CENPE: variants seen among roughly 807,000 people sequenced by gnomAD.
CENPE encodes centromere protein E.
Under a neutral mutation model 336.1 loss-of-function variants are expected in CENPE, and 145 were observed. That is an observed-to-expected ratio of 0.43 (90% CI 0.38 to 0.50). The LOEUF (loss-of-function observed/expected upper bound fraction) is 0.50, where lower values mean the gene tolerates loss of function less well. CENPE is among the 20% of genes least tolerant of loss of function. The probability of loss-of-function intolerance (pLI) is 0.00; values close to 1 mark genes in which losing one functional copy is unlikely to be tolerated. For synonymous variants in CENPE, 1,013 were observed against 984.8 expected (o/e 1.03, Z -0.54); for missense variants, 2,719 against 3,023.3 (o/e 0.90, Z 2.36).
chr4:103,131,981 T>C (rs1224851501), intron 42 of CENPE, among the ~76,000 whole-genome samples: 1 of 152,158 alleles, frequency 6.6e-6, no homozygotes, highest in Non-Finnish European at 1.5e-5. Context: ...CCAGGGAATT[T>C]TTATGGCAGG....
At chr4:103,174,684 C>T (rs1755704698) in intron 16 of CENPE, 52 bp downstream of exon 16, 22 of 1,251,672 alleles carry the variant, frequency 1.8e-5, no homozygotes, top group Non-Finnish European at 2.2e-5. Context: ...AAAGAGAATA[C>T]TTCTTTTAAA....
At chr4:103,159,384 T>G in intron 21 of CENPE, 60 bp from the exon 22 acceptor site, 1 of 1,042,740 alleles carries the variant, frequency 9.6e-7, no homozygotes, top group Non-Finnish European at 1.3e-6. Context: ...GAAGCAATTT[T>G]TAGGAAAAAA....
Position 103,181,439 on chromosome 4 carries a change from T to C in CENPE, c.981A>G (p.Lys327=). Reference sequence around the variant, plus strand: ...TAACATAAGGAGTATTCTTCATATATTTAGCAGTACTGGCAAACTGGAAAA... The same window carrying C: ...TAACATAAGGAGTATTCTTCATATACTTAGCAGTACTGGCAAACTGGAAAA... The part of the protein sequence containing the change: ...LTALQFASTA[K]YMKNTPYVNE... Residue 327 remains lysine (K), a synonymous_variant, in exon 12 of 49, where the codon AAA becomes AAG. Transcript: ENST00000265148. The C allele has an allele frequency of 2.5e-6, 4 of 1,569,772 alleles. No individual in the cohort carries two copies. The highest frequency in any genetic ancestry group is 1.7e-6 in the Non-Finnish European group (2 of 1,162,898).
chr4:103,195,183 A>G lies in CENPE; in HGVS notation c.408T>C (p.Asn136=), dbSNP rs1187433808. 2 of 1,588,550 alleles carry G rather than the reference A, an allele frequency of 1.3e-6. No homozygotes were observed. Among genetic ancestry groups the G allele is most frequent in the South Asian group, 1.2e-5 (1 of 85,762 alleles). ...LLRVSYMEIY[N]ETITDLLCGT... ...CACAGAGTAAATCTGTAATGGTTTCATTGTATATTTCCATGTAAGATACAC... is the reference window on the plus strand; with the variant it reads ...CACAGAGTAAATCTGTAATGGTTTCGTTGTATATTTCCATGTAAGATACAC... Residue 136 remains asparagine (N), a synonymous_variant, in exon 5 of 49, where the codon AAT becomes AAC. Coordinates refer to ENST00000265148, the MANE Select transcript of CENPE (RefSeq NM_001813.3).
chr4:103,145,534 A>C lies in CENPE; in HGVS notation c.4561T>G (p.Leu1521Val), dbSNP rs1363591634. Residue 1521 changes from leucine (L) to valine (V), a missense_variant, in exon 31 of 49, where the codon TTA (leucine) becomes GTA (valine). Transcript: ENST00000265148. ...QKQLEAINDKLQNKIQEIYEK... is the reference protein window; with the variant it reads ...QKQLEAINDKVQNKIQEIYEK... ...CATCCCCAATTTACCTTGTTCTGTA[A>C]TTTATCATTGATTGCTTCTAACTGC... 1 of 1,601,510 alleles carries C rather than the reference A, an allele frequency of 6.2e-7. No homozygotes were observed. The highest frequency in any genetic ancestry group is 8.5e-7 in the Non-Finnish European group (1 of 1,176,124).
Position 103,108,998 on chromosome 4 carries a change from G to C in CENPE, c.7816C>G (p.Pro2606Ala). Reference sequence around the variant, plus strand: ...GTTCCAGTCACTTTAGGAGACTTTGGAGAATTCTCACAAGTTACTTGTTTG... The same window carrying C: ...GTTCCAGTCACTTTAGGAGACTTTGCAGAATTCTCACAAGTTACTTGTTTG... ...AHKQVTCENS[P>A]KSPKVTGTAS... Residue 2606 changes from proline to alanine, a missense_variant, in exon 48 of 49, where the codon CCA becomes GCA. Around this residue, in one of 5 missense-constraint regions of CENPE, gnomAD observed 2,437 missense variants for 2,513.3 expected, o/e 0.97. Coordinates refer to ENST00000265148, the MANE Select transcript of CENPE (RefSeq NM_001813.3). The C allele has an allele frequency of 1.2e-6, 2 of 1,613,658 alleles. No homozygotes were observed. Among genetic ancestry groups the C allele is most frequent in the Non-Finnish European group, 1.7e-6 (2 of 1,179,722 alleles).
Position 103,133,874 on chromosome 4 carries a change from T to C in CENPE, c.6541A>G (p.Thr2181Ala). The change falls in exon 41 of 49, where the codon ACA becomes GCA. Residue 2181 changes from threonine to alanine, a missense_variant. Physicochemically the swap from Thr to Ala is moderately conservative, Grantham distance 58. Around this residue, in one of 5 missense-constraint regions of CENPE, gnomAD observed 2,437 missense variants for 2,513.3 expected, o/e 0.97. Transcript: ENST00000265148. ...TCATGTTGTTCTTCTTTTATTTTTG[T>C]AACATAGCTTAACACATACTTGCAG... is the stretch of plus-strand genomic sequence containing the variant. ...KKLKYVLSYV[T>A]KIKEEQHESI... is the part of the protein sequence containing the mutation. 1 of 1,577,518 alleles carries C rather than the reference T, an allele frequency of 6.3e-7. No homozygotes were observed.
At chr4:103,136,450 G>T in intron 39 of CENPE, 91 bp from the exon 40 acceptor site, 4 of 836,008 alleles carry the variant, frequency 4.8e-6, no homozygotes, top group South Asian at 2.0e-5. Flanking sequence ...CAAAACTTAT[G>T]CTTTAACATT....
rs770290223 is a variant in CENPE, at chr4:103,158,738, A to C, written c.2750T>G (p.Leu917Arg). The C allele has an allele frequency of 1.2e-6, 2 of 1,613,054 alleles. No individual in the cohort carries two copies. The highest frequency in any genetic ancestry group is 1.7e-6 in the Non-Finnish European group (2 of 1,179,456). The change falls in exon 23 of 49, where the codon CTG (leucine) becomes CGG (arginine). Residue 917 changes from leucine (L) to arginine (R), a missense_variant. Transcript: ENST00000265148. The stretch of plus-strand genomic sequence containing the variant: ...TTTTACTTCTTCTAAAGTTTGCTGC[A>C]GTTTCTCAGTAATCAGTGTTTTCTC... ...EREKTLITEK[L>R]QQTLEEVKTL... is the part of the protein sequence containing the mutation.
At position 103,141,099 on chromosome 4, in the gene CENPE, T is replaced by C. The variant is rs1244028008; in HGVS notation, c.5469A>G (p.Gln1823=). 2 of 1,519,608 alleles carry C rather than the reference T, an allele frequency of 1.3e-6. No individual in the cohort carries two copies. The highest frequency in any genetic ancestry group is 4.5e-5 in the East Asian group (2 of 44,368). 94.1% of individuals were successfully genotyped at this position (1,519,608 alleles called of 1,614,324 possible). A position where few individuals can be genotyped will look rare whatever the true frequency, so the allele number is the denominator to read the frequency against. Residue 1823 remains glutamine, a synonymous_variant, in exon 36 of 49, where the codon CAA becomes CAG. Coordinates refer to ENST00000265148, the MANE Select transcript of CENPE (RefSeq NM_001813.3). ...GTTGATGTTCATTTGCCTTAAGTTC[T>C]TGAATCTTAAGATAATCATAAAATA... ...NSNAKLQEKI[Q]ELKANEHQLI...
At position 103,174,725 on chromosome 4, in the gene CENPE, G is replaced by A. The variant is rs1221645298; in HGVS notation, c.1647+11C>T. Reference sequence around the variant, plus strand: ...GCTTTTAGTTTAGTTTTACATTTCTGTCTCTCTTACCTCTTGATCTTTTTT... The same window carrying A: ...GCTTTTAGTTTAGTTTTACATTTCTATCTCTCTTACCTCTTGATCTTTTTT... On this transcript the variant is annotated intron_variant, in intron 16 of 48. Coordinates refer to ENST00000265148, the MANE Select transcript of CENPE (RefSeq NM_001813.3). 1 of 1,469,204 alleles carries A rather than the reference G, an allele frequency of 6.8e-7. No individual in the cohort carries two copies. The highest frequency in any genetic ancestry group is 1.4e-5 in the South Asian group (1 of 72,260). 91.0% of individuals were successfully genotyped at this position (1,469,204 alleles called of 1,614,324 possible). A position where few individuals can be genotyped will look rare whatever the true frequency, so the allele number is the denominator to read the frequency against.
rs756280061 is a variant in CENPE at position 103,132,882 on chromosome 4, A to G, written c.6735T>C (p.Asp2245=). Residue 2245 remains aspartate, a synonymous_variant, in exon 42 of 49, where the codon GAT becomes GAC. Coordinates refer to ENST00000265148, the MANE Select transcript of CENPE (RefSeq NM_001813.3). The stretch of plus-strand genomic sequence containing the variant: ...TGCTAGGGAACTCACTTTCTGAGAA[A>G]TCTTTGAGAATTTCCTGTGTGAAAA... ...MDLHIEEILK[D]FSESEFPSIK... 3.5e-6 allele frequency: 5 copies of G among 1,440,620 alleles called. No individual in the cohort carries two copies. The Admixed American group carries it at 7.1e-5, about 20-fold the overall frequency. The allele number at this position is 1,440,620 out of a possible 1,614,324, so 89.2% of individuals were successfully genotyped here.
intron 42 of CENPE, among the ~76,000 whole-genome samples, chr4:103,132,440 G>A (rs1323099672): frequency 6.6e-6 from 1 of 152,144 alleles, no homozygotes; most frequent in Non-Finnish European, 1.5e-5. Context: ...AGAAGAAAAA[G>A]AGGACAATAG....
intron 42 of CENPE, among the ~76,000 whole-genome samples, chr4:103,127,114 C>CA (rs1246212242): frequency 1.6e-5 from 2 of 123,112 alleles, no homozygotes; most frequent in Non-Finnish European, 3.6e-5. Context: ...AAAAAAAAAC[C>CA]AAAAAAACCC....
intron 21 of CENPE, among the ~76,000 whole-genome samples, chr4:103,159,774 T>C (rs1248193475): frequency 6.6e-6 from 1 of 151,904 alleles, no homozygotes; most frequent in Non-Finnish European, 1.5e-5. Context: ...AGAAGTATCT[T>C]AAGTGGTATG....
intron 46 of CENPE, among the ~76,000 whole-genome samples, chr4:103,112,723 AGT>A (rs1340136018): frequency 8.3e-6 from 1 of 121,002 alleles, no homozygotes; most frequent in East Asian, 2.3e-4. Flanking sequence ...TAAGTATATA[AGT>A]GTATATATAT....
intron 16 of CENPE, among the ~76,000 whole-genome samples, chr4:103,170,806 T>C (rs574512135): frequency 6.6e-6 from 1 of 152,192 alleles, no homozygotes; most frequent in African/African-American, 2.4e-5. Context: ...ACTTCACCTG[T>C]AAGGATACAA....
At chr4:103,125,503 T>G (rs1402281122) in intron 42 of CENPE, among the ~76,000 whole-genome samples, 1 of 152,010 alleles carries the variant, frequency 6.6e-6, no homozygotes, top group Non-Finnish European at 1.5e-5. Context: ...CTGATCACCT[T>G]GGGAACAATG....
At chr4:103,127,164 C>T (rs1751195235) in intron 42 of CENPE, among the ~76,000 whole-genome samples, 3 of 139,222 alleles carry the variant, frequency 2.2e-5, no homozygotes, top group African/African-American at 5.3e-5. Flanking sequence ...AACATCTAAG[C>T]ATATCATATT....
Sources: allele counts gnomAD v4.1 joint callset (sites outside exome capture counted in the v4.1 genomes callset), GRCh38; gene constraint gnomAD v4.1.1; regional missense constraint gnomAD v4.1.1; transcripts MANE v1.5; gene names NCBI Gene and HGNC (gene_info 2026-07-23, HGNC 2026-07-21).